LOXHD1: variants seen among roughly 807,000 people sequenced by gnomAD.
The protein encoded by LOXHD1 is lipoxygenase homology domain-containing protein 1.
In LOXHD1, 205 loss-of-function variants were observed where a neutral mutation model predicts 248.2. The ratio of observed to expected loss-of-function variants is 0.83; its 90% CI spans 0.74 to 0.93. LOXHD1 has a LOEUF of 0.93. Ranked by LOEUF, LOXHD1 falls within the 40% of genes least tolerant of loss-of-function variation. The pLI, the probability that LOXHD1 is intolerant of heterozygous loss-of-function variation, is 0.00. For missense variants in LOXHD1, 2,930 were observed against 2,971.6 expected (o/e 0.99, Z 0.33); for synonymous variants, 1,113 against 1,162.8 (o/e 0.96, Z 0.87).
At chr18:46,601,116 A>C (rs2038330122) in intron 8 of LOXHD1, 101 bp downstream of exon 8, 4 of 1,419,212 alleles carry the variant, frequency 2.8e-6, no homozygotes, top group Non-Finnish European at 3.8e-6. Flanking sequence ...TGCACTCTGT[A>C]ACTAGTTCAG....
chr18:46,617,811 A>G (rs1375251760), intron 5 of LOXHD1, among the ~76,000 whole-genome samples: 1 of 152,180 alleles, frequency 6.6e-6, no homozygotes, highest in Non-Finnish European at 1.5e-5. Context: ...TACTGCATTG[A>G]ATCAGGCCAC....
Position 46,485,146 on chromosome 18 carries a change from C to A in LOXHD1, c.6055G>T (p.Glu2019Ter). 6.5e-7 allele frequency: 1 copy of A among 1,549,386 alleles called. No homozygotes were observed. The highest frequency in any genetic ancestry group is 1.2e-5 in the South Asian group (1 of 83,760). ...ICDELEETTY[E>*]IVIETGNGGE... ...CCGTTGCCCGTTTCTATGACGATCT[C>A]GTAGGCTGTAATGGAGGAGGTGGGG... The change falls in exon 39 of 41, where the codon GAG (glutamate) becomes TAG (stop). Residue 2019 changes from glutamate (E) to a stop codon, truncating the protein, a stop_gained. Transcript: ENST00000642948. LOFTEE classifies it high-confidence loss of function.
At chr18:46,510,543 G>C (rs1461840806) in intron 34 of LOXHD1, among the ~76,000 whole-genome samples, 1 of 152,132 alleles carries the variant, frequency 6.6e-6, no homozygotes, top group Non-Finnish European at 1.5e-5. Context: ...CTGATTGCTT[G>C]ACTGCTGACT....
chr18:46,617,712 C>T (rs751967972), intron 5 of LOXHD1, among the ~76,000 whole-genome samples: 9 of 152,172 alleles, frequency 5.9e-5, no homozygotes, highest in Non-Finnish European at 1.2e-4. Flanking sequence ...CTCTCAACAC[C>T]TACAGCTGTG....
chr18:46,560,857 C>T (rs888834449), intron 18 of LOXHD1, among the ~76,000 whole-genome samples: 4 of 152,080 alleles, frequency 2.6e-5, no homozygotes, highest in Admixed American at 2.0e-4. Flanking sequence ...CACGCACGCG[C>T]GCGCGCGCGC....
intron 16 of LOXHD1, among the ~76,000 whole-genome samples, chr18:46,567,916 C>T (rs2037676366): frequency 6.6e-6 from 1 of 152,128 alleles, no homozygotes; most frequent in African/African-American, 2.4e-5. Context: ...GCTTAAATGC[C>T]CTCCCACTGC....
chr18:46,549,070 GGACACCA>G (rs1427172398), intron 21 of LOXHD1, among the ~76,000 whole-genome samples: 1 of 152,150 alleles, frequency 6.6e-6, no homozygotes, highest in Admixed American at 6.5e-5. Flanking sequence ...TGAAGATTTA[GGACACCA>G]GGCCTACTGA....
intron 17 of LOXHD1, 138 bp from the exon 18 acceptor site, chr18:46,563,363 A>C: frequency 1.2e-6 from 1 of 800,938 alleles, no homozygotes; most frequent in Non-Finnish European, 1.8e-6. Context: ...TCCTCTCCTC[A>C]ACACCCTGAG....
At chr18:46,533,577 C>T (rs1050793727) in intron 27 of LOXHD1, 29 of 456,904 alleles carry the variant, frequency 6.3e-5, no homozygotes, top group African/African-American at 5.1e-4. Flanking sequence ...TGAACTCCAT[C>T]CTGGAGACTC....
intron 28 of LOXHD1, among the ~76,000 whole-genome samples, chr18:46,532,887 GTAT>G (rs1357760103): frequency 6.6e-6 from 1 of 152,246 alleles, no homozygotes; most frequent in Non-Finnish European, 1.5e-5. Flanking sequence ...TTATCTGGAT[GTAT>G]TATCCCAATG....
At chr18:46,522,066 G>A (rs1241664723) in intron 32 of LOXHD1, 35 bp downstream of exon 32, 2 of 1,503,522 alleles carry the variant, frequency 1.3e-6, no homozygotes, top group Non-Finnish European at 1.8e-6. Context: ...TATCCCTAGG[G>A]TGGTCACTAT....
At position 46,533,143 on chromosome 18, in the gene LOXHD1, G is replaced by T. The variant is rs771022488; in HGVS notation, c.4375+19C>A. ...CTGGAGCCTTCCCATGGTGATGAGG[G>T]TGGCCACACCACACTTACTGTCCAG... On this transcript the variant is annotated intron_variant, in intron 28 of 40. Transcript: ENST00000642948. 1.3e-6 allele frequency: 2 copies of T among 1,551,302 alleles called. No homozygotes were observed. Among genetic ancestry groups the T allele is most frequent in the Non-Finnish European group, 1.7e-6 (2 of 1,146,804 alleles).
At position 46,524,548 on chromosome 18, in the gene LOXHD1, C is replaced by T; in HGVS notation, c.4794G>A (p.Glu1598=). 1 of 1,551,746 alleles carries T rather than the reference C, an allele frequency of 6.4e-7. No individual in the cohort carries two copies. The highest frequency in any genetic ancestry group is 1.4e-5 in the African/African-American group (1 of 73,174). Reference sequence around the variant, plus strand: ...CGGCCATCTTGGAGCTCAGGGCGATCTCCCAGAAGTCAGCAGGGCTGCTGC... The same window carrying T: ...CGGCCATCTTGGAGCTCAGGGCGATTTCCCAGAAGTCAGCAGGGCTGCTGC... ...SNCSSPADFW[E]IALSSKMADV... Residue 1598 remains glutamate, a synonymous_variant, in exon 31 of 41, where the codon GAG becomes GAA. Transcript: ENST00000642948.
chr18:46,477,581 T>C lies in LOXHD1; in HGVS notation c.6713A>G (p.Glu2238Gly). The C allele has an allele frequency of 6.4e-7, 1 of 1,551,726 alleles. No homozygotes were observed. The highest frequency in any genetic ancestry group is 1.2e-5 in the South Asian group (1 of 84,070). Residue 2238 changes from glutamate (E) to glycine (G), a missense_variant, in exon 41 of 41, where the codon GAG (glutamate) becomes GGG (glycine). By Grantham distance (98) the Glu-to-Gly change is moderately conservative. Coordinates refer to ENST00000642948, the MANE Select transcript of LOXHD1 (RefSeq NM_001384474.1). The stretch of plus-strand genomic sequence containing the variant: ...CACGCCGGTGCTGGTGTTGGTGACC[T>C]CCACCTTCTCCACCAGCCAGCCTGA... The part of the protein sequence containing the change: ...YCSGWLVEKV[E>G]VTNTSTGVAT...
chr18:46,531,502 C>A (rs11875442), intron 28 of LOXHD1, among the ~76,000 whole-genome samples: 1 of 152,024 alleles, frequency 6.6e-6, no homozygotes, highest in Admixed American at 6.5e-5. Flanking sequence ...ATAGGGACAC[C>A]TTTTCTAGGA....
chr18:46,582,738 T>A (rs1599026339), intron 12 of LOXHD1, among the ~76,000 whole-genome samples: 1 of 152,166 alleles, frequency 6.6e-6, no homozygotes, highest in Non-Finnish European at 1.5e-5. Flanking sequence ...ATACTACACA[T>A]ACATTAAGAG....
At chr18:46,613,308 A>G (rs1216269193) in intron 5 of LOXHD1, among the ~76,000 whole-genome samples, 1 of 152,080 alleles carries the variant, frequency 6.6e-6, no homozygotes, top group East Asian at 1.9e-4. Flanking sequence ...GCTCTTTTTA[A>G]TATTTATTCT....
At chr18:46,574,251 C>T (rs2144111428) in intron 14 of LOXHD1, among the ~76,000 whole-genome samples, 1 of 152,222 alleles carries the variant, frequency 6.6e-6, no homozygotes, top group Admixed American at 6.5e-5. Context: ...ATAGATATTT[C>T]CAAATATAGC....
Position 46,488,956 on chromosome 18 carries a change from G to A in LOXHD1, c.6049+16C>T, listed in dbSNP as rs1349018902. ...TTCCCTGCCTCCCTCCTGAGCCAAT[G>A]ATCTCCCCCACATACTGGTCTCTTC... is the stretch of plus-strand genomic sequence containing the variant. On this transcript the variant is annotated intron_variant, in intron 38 of 40. Transcript: ENST00000642948. 2.6e-6 allele frequency: 4 copies of A among 1,545,718 alleles called. No individual in the cohort carries two copies. The highest frequency in any genetic ancestry group is 2.5e-5 in the East Asian group (1 of 40,780).
Sources: gnomAD v4.1 joint callset for allele counts (sites outside exome capture counted in the v4.1 genomes callset) on GRCh38, gnomAD v4.1.1 for gene constraint, MANE v1.5 for transcripts, NCBI Gene and HGNC (gene_info 2026-07-23, HGNC 2026-07-21) for gene names.